Variants in RSRC2 observed in about 807,000 individuals in gnomAD.
RSRC2 encodes the protein arginine/serine-rich coiled-coil protein 2.
Under a neutral mutation model 61.3 loss-of-function variants are expected in RSRC2, and 5 were observed. The observed-to-expected ratio is 0.08, with a 90% confidence interval of 0.04 to 0.17. The LOEUF is 0.17. Among genes scored for constraint, RSRC2 ranks in the 10% least tolerant of loss-of-function variants. RSRC2 has a pLI of 1.00. For missense variants in RSRC2, 381 were observed against 518.8 expected (o/e 0.73, Z 2.58); for synonymous variants, 202 against 166.5 (o/e 1.21, Z -1.64).
intron 4 of RSRC2, 81 bp downstream of exon 4, chr12:122,518,758 T>A (rs2137521052): frequency 9.1e-7 from 1 of 1,095,722 alleles, no homozygotes; most frequent in East Asian, 2.4e-5. Flanking sequence ...CTAATTATGA[T>A]TTTTTTGGGT....
At chr12:122,519,063 A>C in intron 3 of RSRC2, 34 bp from the exon 4 acceptor site, 2 of 1,582,832 alleles carry the variant, frequency 1.3e-6, no homozygotes, top group Non-Finnish European at 1.7e-6. Flanking sequence ...TTTCAGGAAA[A>C]TAGTGCAACA....
chr12:122,512,908 G>A (rs1183459847), intron 6 of RSRC2, among the ~76,000 whole-genome samples: 5 of 151,958 alleles, frequency 3.3e-5, no homozygotes, highest in Non-Finnish European at 5.9e-5. Flanking sequence ...AATGTAGGTC[G>A]CAGGCTTGGC....
chr12:122,521,397 G>A lies in RSRC2; in HGVS notation c.195C>T (p.Ser65=). 6.2e-7 allele frequency: 1 copy of A among 1,611,954 alleles called. No homozygotes were observed. The highest frequency in any genetic ancestry group is 8.5e-7 in the Non-Finnish European group (1 of 1,178,734). Residue 65 remains serine, a synonymous_variant, in exon 3 of 10, where the codon AGC becomes AGT. Transcript: ENST00000331738. ...AAGTGTTAATTACCTCTTTGCTTCT[G>A]CTCCGGCTCCTGTGTTTTCTTCCTT... ...DNEGRKHRSR[S]RSKEGRRHES...
chr12:122,508,626 C>G (rs1182795594), intron 7 of RSRC2, among the ~76,000 whole-genome samples, 179 bp from the exon 8 acceptor site: 2 of 152,124 alleles, frequency 1.3e-5, no homozygotes, highest in Non-Finnish European at 1.5e-5. Context: ...TTATTGTGTT[C>G]ATCAACGGAC....
rs750603509 is a variant in RSRC2, at chr12:122,515,240, G to C, written c.603-13C>G. ...CTTCTTTCTATCTCTGTAGTAAATCGTATTTCATATGTCAAATTATGGCCA... is the reference window on the plus strand; with the variant it reads ...CTTCTTTCTATCTCTGTAGTAAATCCTATTTCATATGTCAAATTATGGCCA... On this transcript the variant is annotated splice_polypyrimidine_tract_variant and intron_variant, in intron 5 of 9. Transcript: ENST00000331738. The C allele has an allele frequency of 6.2e-7, 1 of 1,608,340 alleles. No individual in the cohort carries two copies. Among genetic ancestry groups the C allele is most frequent in the Non-Finnish European group, 8.5e-7 (1 of 1,177,632 alleles).
intron 3 of RSRC2, 45 bp from the exon 4 acceptor site, chr12:122,519,074 AAGAG>A: frequency 6.5e-7 from 1 of 1,547,262 alleles, no homozygotes; most frequent in Non-Finnish European, 8.9e-7. Context: ...TAGTGCAACA[AAGAG>A]AGTTAGTATG....
intron 1 of RSRC2, 105 bp downstream of exon 1, chr12:122,526,743 T>C: frequency 7.4e-7 from 1 of 1,350,132 alleles, no homozygotes; most frequent in Non-Finnish European, 1.1e-6. Context: ...GCGGCGCCAT[T>C]TTGTCTACAC....
intron 1 of RSRC2, among the ~76,000 whole-genome samples, chr12:122,524,967 T>A (rs1959851977): frequency 6.6e-6 from 1 of 152,214 alleles, no homozygotes. Context: ...ACAAATCTTT[T>A]TCCACTGCGA....
chr12:122,514,559 C>A, intron 6 of RSRC2: 1 of 976,356 alleles, frequency 1.0e-6, no homozygotes, highest in Non-Finnish European at 1.2e-6. Flanking sequence ...ACCGATTGCA[C>A]CCGGCCGAAA....
chr12:122,525,668 C>T (rs575433097), intron 1 of RSRC2, among the ~76,000 whole-genome samples: 56 of 152,062 alleles, frequency 3.7e-4, no homozygotes, highest in South Asian at 8.3e-4. Flanking sequence ...TTACATTTTC[C>T]TTTTAACGGA....
chr12:122,513,244 T>TAAATAAATAAAA (rs1392784240), intron 6 of RSRC2, among the ~76,000 whole-genome samples: 1 of 47,104 alleles, frequency 2.1e-5, no homozygotes. Flanking sequence ...AATAAATAAA[T>TAAATAAATAAAA]AAAATAAAAT....
intron 6 of RSRC2, among the ~76,000 whole-genome samples, chr12:122,513,594 G>A (rs1389927435): frequency 6.6e-6 from 1 of 152,108 alleles, no homozygotes; most frequent in Non-Finnish European, 1.5e-5. Flanking sequence ...ATTTGTCAGA[G>A]TTAATGAAAT....
Position 122,506,825 on chromosome 12 carries a change from G to C in RSRC2, c.1125+9C>G, listed in dbSNP as rs1437497006. 1.3e-6 allele frequency: 2 copies of C among 1,533,408 alleles called. No homozygotes were observed. Among genetic ancestry groups the C allele is most frequent in the Non-Finnish European group, 1.8e-6 (2 of 1,108,402 alleles). The allele number at this position is 1,533,408 out of a possible 1,614,324, so 95.0% of individuals were successfully genotyped here. A position where few individuals can be genotyped will look rare whatever the true frequency, so the allele number is the denominator to read the frequency against. On this transcript the variant is annotated intron_variant, in intron 9 of 9. Coordinates refer to ENST00000331738, the MANE Select transcript of RSRC2 (RefSeq NM_023012.6). ...AATACAAAGATCCCCTGGCACATGT[G>C]AAACTCACCTTAATACCCATCAATT...
chr12:122,506,183 C>T (rs768412611), intron 9 of RSRC2, among the ~76,000 whole-genome samples: 1 of 151,828 alleles, frequency 6.6e-6, no homozygotes, highest in Non-Finnish European at 1.5e-5. Context: ...GTCAGGATTT[C>T]GAGACTAGCC....
chr12:122,524,464 A>G (rs1214412904), intron 1 of RSRC2, among the ~76,000 whole-genome samples: 2 of 152,240 alleles, frequency 1.3e-5, no homozygotes, highest in African/African-American at 4.8e-5. Context: ...ACTAGAATCG[A>G]AAACAACCTT....
intron 6 of RSRC2, among the ~76,000 whole-genome samples, chr12:122,513,567 A>G (rs936652565): frequency 3.3e-5 from 5 of 152,214 alleles, no homozygotes; most frequent in Admixed American, 1.3e-4. Context: ...ATTCAAGTAA[A>G]TAAGAGCTTA....
At position 122,526,908 on chromosome 12, in the gene RSRC2, C is replaced by G; in HGVS notation, c.-55G>C. On this transcript the variant is annotated 5_prime_UTR_variant, in exon 1 of 10. Coordinates refer to ENST00000331738, the MANE Select transcript of RSRC2 (RefSeq NM_023012.6). ...CCTCCACTTGTCGCTTTCAACAGTACCGGCCGCTCCGAAGCTTCGCCTCAG... is the reference window on the plus strand; with the variant it reads ...CCTCCACTTGTCGCTTTCAACAGTAGCGGCCGCTCCGAAGCTTCGCCTCAG... 6.2e-7 allele frequency: 1 copy of G among 1,607,884 alleles called. No individual in the cohort carries two copies. Among genetic ancestry groups the G allele is most frequent in the South Asian group, 1.1e-5 (1 of 90,918 alleles).
intron 3 of RSRC2, 154 bp from the exon 4 acceptor site, chr12:122,519,183 T>C (rs1959143371): frequency 3.3e-6 from 2 of 599,714 alleles, no homozygotes; most frequent in Non-Finnish European, 5.8e-6. Context: ...CACCCAAATG[T>C]TGCAGATGTA....
At chr12:122,519,311 A>G (rs1959152449) in intron 3 of RSRC2, 1 of 350,628 alleles carries the variant, frequency 2.9e-6, no homozygotes, top group Non-Finnish European at 5.3e-6. Context: ...TGCCAGACAA[A>G]AGAGGAATCC....
Sources: allele counts gnomAD v4.1 joint callset (sites outside exome capture counted in the v4.1 genomes callset), GRCh38; gene constraint gnomAD v4.1.1; transcripts MANE v1.5; gene names NCBI Gene and HGNC (gene_info 2026-07-23, HGNC 2026-07-21).